The following SLIT3 variants were observed in gnomAD, a reference collection of about 807,000 sequenced individuals.
SLIT3 encodes slit homolog 3 protein.
A neutral mutation model predicts 184.0 loss-of-function variants in SLIT3; 68 were observed. The ratio of observed to expected loss-of-function variants is 0.37; its 90% CI spans 0.30 to 0.45. The LOEUF is 0.45. Among genes scored for constraint, SLIT3 ranks in the 20% least tolerant of loss-of-function variants. The probability of loss-of-function intolerance (pLI) is 1.00; values close to 1 mark genes in which losing one functional copy is unlikely to be tolerated. For synonymous variants in SLIT3, 831 were observed against 828.6 expected (o/e 1.00, Z -0.05); for missense variants, 1,707 against 2,026.0 (o/e 0.84, Z 3.02).
At chr5:169,133,588 A>T (rs1761386138) in intron 4 of SLIT3, among the ~76,000 whole-genome samples, 1 of 152,238 alleles carries the variant, frequency 6.6e-6, no homozygotes, top group Non-Finnish European at 1.5e-5. Context: ...TAAAATCTTT[A>T]TAGTAGGAGC....
intron 16 of SLIT3, among the ~76,000 whole-genome samples, 167 bp downstream of exon 16, chr5:168,760,695 T>C (rs565454813): frequency 1.3e-5 from 2 of 152,234 alleles, no homozygotes; most frequent in African/African-American, 4.8e-5. Context: ...TTGGTCTGTG[T>C]CTACATGTCT....
intron 6 of SLIT3, among the ~76,000 whole-genome samples, chr5:168,826,782 G>A (rs952692723): frequency 1.3e-5 from 2 of 152,176 alleles, no homozygotes; most frequent in African/African-American, 4.8e-5. Flanking sequence ...CTTTTTCTGA[G>A]ACAGAGTCTC....
At position 169,273,737 on chromosome 5, in the gene SLIT3, T is replaced by C. The variant is rs559625465; in HGVS notation, c.198-22278A>G. ...AGCTTGAATTGGGCTTAAGATAAGG[T>C]AAACCTTCAGGACTTTGGCCACAAG... On this transcript the variant is annotated intron_variant, in intron 1 of 35. Transcript: ENST00000519560. Among the ~76,000 whole-genome samples, 6 of 152,214 alleles carry C rather than the reference T, an allele frequency of 3.9e-5. No individual in the cohort carries two copies. In the South Asian group the frequency reaches 1.2e-3, roughly 32 times the overall value.
At chr5:168,913,050 G>A (rs1379439948) in intron 4 of SLIT3, among the ~76,000 whole-genome samples, 1 of 152,182 alleles carries the variant, frequency 6.6e-6, no homozygotes, top group Admixed American at 6.5e-5. Flanking sequence ...CCCTGCTACT[G>A]ATGAGTTATT....
At position 168,767,942 on chromosome 5, in the gene SLIT3, G is replaced by A. The variant is rs561817398; in HGVS notation, c.1459+4839C>T. Reference sequence around the variant, plus strand: ...ATTTGGGGGAGGGTGACTCCATTTTGGGAAAGAGATGTGGATACAGATCTC... The same window carrying A: ...ATTTGGGGGAGGGTGACTCCATTTTAGGAAAGAGATGTGGATACAGATCTC... On this transcript the variant is annotated intron_variant, in intron 14 of 35. Coordinates refer to ENST00000519560, the MANE Select transcript of SLIT3 (RefSeq NM_003062.4). 4.7e-3 allele frequency among the ~76,000 whole-genome samples: 720 copies of A among 152,220 alleles called. 1 individual carries two copies. The highest frequency in any genetic ancestry group is 8.2e-3 in the Non-Finnish European group (559 of 68,006).
At chr5:168,883,196 T>G in intron 5 of SLIT3, 69 bp downstream of exon 5, 1 of 1,271,706 alleles carries the variant, frequency 7.9e-7, no homozygotes, top group Non-Finnish European at 1.1e-6. Flanking sequence ...GTCCCATCCC[T>G]CACCCTCACT....
chr5:169,227,872 G>T (rs1258909989), intron 3 of SLIT3, among the ~76,000 whole-genome samples: 1 of 152,222 alleles, frequency 6.6e-6, no homozygotes, highest in Non-Finnish European at 1.5e-5. Context: ...CAGGCAGGGG[G>T]AGCCTGAGGT....
chr5:168,711,205 G>T, intron 24 of SLIT3, 147 bp from the exon 25 acceptor site: 1 of 653,324 alleles, frequency 1.5e-6, no homozygotes, highest in Non-Finnish European at 2.4e-6. Flanking sequence ...CTCCACTGTG[G>T]CAAAGTTAAT....
At chr5:168,998,231 A>ATCCCTT (rs1194450213) in intron 4 of SLIT3, among the ~76,000 whole-genome samples, 4 of 152,224 alleles carry the variant, frequency 2.6e-5, no homozygotes, top group Non-Finnish European at 5.9e-5. Context: ...CATCCGTTTC[A>ATCCCTT]TCCCTTCCTT....
intron 4 of SLIT3, among the ~76,000 whole-genome samples, chr5:169,042,108 G>C (rs1433544143): frequency 6.6e-6 from 1 of 152,168 alleles, no homozygotes. Context: ...GATGAAGAAT[G>C]GATATCGTAG....
At chr5:168,980,643 A>T (rs1325555006) in intron 4 of SLIT3, among the ~76,000 whole-genome samples, 1 of 152,206 alleles carries the variant, frequency 6.6e-6, no homozygotes, top group Admixed American at 6.5e-5. Context: ...ATGCCCTTTG[A>T]TCCAGGGCTA....
Position 169,071,870 on chromosome 5 carries a change from G to T in SLIT3, c.413+121609C>A, listed in dbSNP as rs148091564. On this transcript the variant is annotated intron_variant, in intron 4 of 35. Transcript: ENST00000519560. Reference sequence around the variant, plus strand: ...TGAGTGGGCAGGGCAGAGGGATTGGGTCATTTTGGTTAGAGGAAGAAGGGG... The same window carrying T: ...TGAGTGGGCAGGGCAGAGGGATTGGTTCATTTTGGTTAGAGGAAGAAGGGG... Among the ~76,000 whole-genome samples the T allele has an allele frequency of 2.7e-3, 409 of 152,270 alleles. 2 individuals carry two copies. The highest frequency in any genetic ancestry group is 9.6e-3 in the African/African-American group (397 of 41,552).
At position 169,131,481 on chromosome 5, in the gene SLIT3, T is replaced by A. The variant is rs180947577; in HGVS notation, c.413+61998A>T. On this transcript the variant is annotated intron_variant, in intron 4 of 35. Coordinates refer to ENST00000519560, the MANE Select transcript of SLIT3 (RefSeq NM_003062.4). ...GAACCACTAAATTAGCAGGGTCTTC[T>A]GAGAAGGGCTCTTGTCCCACTGAGC... Among the ~76,000 whole-genome samples the A allele has an allele frequency of 1.2e-3, 178 of 152,366 alleles. 1 individual carries two copies. Among genetic ancestry groups the A allele is most frequent in the Admixed American group, 7.7e-3 (118 of 15,312 alleles).
At chr5:169,285,573 T>A (rs1767127864) in intron 1 of SLIT3, among the ~76,000 whole-genome samples, 1 of 152,098 alleles carries the variant, frequency 6.6e-6, no homozygotes, top group Non-Finnish European at 1.5e-5. Flanking sequence ...GCAGAAGGGG[T>A]ACTATGTTGC....
chr5:168,902,227 A>T (rs912766959), intron 4 of SLIT3, among the ~76,000 whole-genome samples: 8 of 152,132 alleles, frequency 5.3e-5, no homozygotes, highest in African/African-American at 1.9e-4. Context: ...GTACCTGTCC[A>T]TTCATCCAAA....
chr5:169,004,738 C>T (rs949981565), intron 4 of SLIT3, among the ~76,000 whole-genome samples: 1 of 151,926 alleles, frequency 6.6e-6, no homozygotes, highest in Non-Finnish European at 1.5e-5. Flanking sequence ...TAGATGAGGT[C>T]ATGAAGATGG....
At chr5:168,970,592 A>G (rs1754543190) in intron 4 of SLIT3, among the ~76,000 whole-genome samples, 1 of 152,090 alleles carries the variant, frequency 6.6e-6, no homozygotes, top group African/African-American at 2.4e-5. Flanking sequence ...TTTGTGCAGG[A>G]GTCCAGCACT....
intron 1 of SLIT3, among the ~76,000 whole-genome samples, chr5:169,287,479 G>A (rs1313226172): frequency 6.6e-6 from 1 of 152,206 alleles, no homozygotes; most frequent in African/African-American, 2.4e-5. Flanking sequence ...GGATGAGGCA[G>A]AAATGAAGGC....
intron 4 of SLIT3, among the ~76,000 whole-genome samples, chr5:168,958,715 G>A (rs1030528623): frequency 4.6e-5 from 7 of 152,306 alleles, no homozygotes; most frequent in East Asian, 3.9e-4. Context: ...AGAGGGTTTC[G>A]GGAAGAGATC....
Sources: gnomAD v4.1 joint callset for allele counts (sites outside exome capture counted in the v4.1 genomes callset) on GRCh38, gnomAD v4.1.1 for gene constraint, MANE v1.5 for transcripts, NCBI Gene and HGNC (gene_info 2026-07-23, HGNC 2026-07-21) for gene names.